The following GALNT13 variants were observed in gnomAD, a reference collection of about 807,000 sequenced individuals.
GALNT13 encodes UDP-GalNAc:polypeptide N-acetylgalactosaminyltransferase 13.
Under a neutral mutation model 64.2 loss-of-function variants are expected in GALNT13, and 28 were observed. That is an observed-to-expected ratio of 0.44 (90% CI 0.32 to 0.60). The LOEUF is 0.60. Ranked by LOEUF, GALNT13 falls within the 20% of genes least tolerant of loss-of-function variation. The pLI, the probability that GALNT13 is intolerant of heterozygous loss-of-function variation, is 0.05. For synonymous variants in GALNT13, 214 were observed against 224.6 expected (o/e 0.95, Z 0.42); for missense variants, 577 against 669.8 (o/e 0.86, Z 1.53).
chr2:153,129,642 A>AT, the GALNT13 span, among the ~76,000 whole-genome samples: 1 of 152,074 alleles, frequency 6.6e-6, no homozygotes, highest in Non-Finnish European at 1.5e-5. Flanking sequence ...GCATGATGGC[A>AT]TGCATCTGTA....
At chr2:154,050,600 G>T (rs1377183119) in intron 3 of GALNT13, among the ~76,000 whole-genome samples, 1 of 151,968 alleles carries the variant, frequency 6.6e-6, no homozygotes, top group Non-Finnish European at 1.5e-5. Flanking sequence ...CTGAAAAACA[G>T]CAGCCAACTC....
the GALNT13 span, among the ~76,000 whole-genome samples, chr2:153,472,660 T>A: frequency 1.3e-5 from 2 of 152,202 alleles, no homozygotes; most frequent in African/African-American, 4.8e-5. Context: ...CTTTTTAGTA[T>A]TGATCATTCT....
chr2:153,652,278 T>A, the GALNT13 span, among the ~76,000 whole-genome samples: 1 of 152,182 alleles, frequency 6.6e-6, no homozygotes, highest in African/African-American at 2.4e-5. Flanking sequence ...AAAAGTATTT[T>A]ACAATTAACT....
chr2:154,447,874 G>A (rs1046191696), intron 12 of GALNT13, among the ~76,000 whole-genome samples: 3 of 152,096 alleles, frequency 2.0e-5, no homozygotes, highest in East Asian at 1.9e-4. Context: ...ATCCTGATAC[G>A]TGCAGTGCCA....
the GALNT13 span, among the ~76,000 whole-genome samples, chr2:153,543,708 A>T: frequency 1.3e-5 from 2 of 151,910 alleles, no homozygotes; most frequent in East Asian, 3.9e-4. Context: ...AAATTGTCAA[A>T]ACAGTACAAG....
chr2:153,880,112 T>A (rs1360617717), intron 1 of GALNT13, among the ~76,000 whole-genome samples: 1 of 152,182 alleles, frequency 6.6e-6, no homozygotes, highest in Non-Finnish European at 1.5e-5. Context: ...TATTTTCCTG[T>A]AATGCTCCTC....
chr2:154,438,488 G>C (rs537594476), intron 11 of GALNT13, 104 bp from the exon 12 acceptor site: 1 of 773,526 alleles, frequency 1.3e-6, no homozygotes, highest in Non-Finnish European at 2.0e-6. Context: ...GCAATCGTTT[G>C]AAAACACAAG....
At chr2:153,854,342 G>A in the GALNT13 span, among the ~76,000 whole-genome samples, 1 of 151,976 alleles carries the variant, frequency 6.6e-6, no homozygotes, top group Non-Finnish European at 1.5e-5. Flanking sequence ...CACTTTGGGA[G>A]GCTGAGGTGG....
chr2:154,021,360 G>T (rs934382620), intron 3 of GALNT13, among the ~76,000 whole-genome samples: 2 of 152,032 alleles, frequency 1.3e-5, no homozygotes, highest in Admixed American at 6.6e-5. Context: ...ATTTCTTTGT[G>T]TCCTCTTGTA....
rs145110960 is a variant in GALNT13, at chr2:153,879,196, C to A, written c.-177+6893C>A. On this transcript the variant is annotated intron_variant, in intron 1 of 12. Coordinates refer to ENST00000392825, the MANE Select transcript of GALNT13 (RefSeq NM_052917.4). ...TCTAAGTGCTTTGCAGATATTGATT[C>A]ATTTAATCATAAAGACCTTCAAAAG... Among the ~76,000 whole-genome samples the A allele has an allele frequency of 7.4e-3, 1,130 of 152,222 alleles. 20 individuals carry two copies. Among genetic ancestry groups the A allele is most frequent in the African/African-American group, 0.026 (1,064 of 41,520 alleles).
chr2:154,285,671 T>C (rs946284257), intron 8 of GALNT13, among the ~76,000 whole-genome samples: 1 of 152,180 alleles, frequency 6.6e-6, no homozygotes, highest in Admixed American at 6.5e-5. Context: ...CTTTGCTCTT[T>C]TTGTTCAAAA....
At chr2:153,186,992 A>G in the GALNT13 span, among the ~76,000 whole-genome samples, 2 of 152,286 alleles carry the variant, frequency 1.3e-5, no homozygotes, top group South Asian at 2.1e-4. Flanking sequence ...TAATTTAGAT[A>G]AAGTGGAGAA....
At chr2:153,117,640 C>G in the GALNT13 span, among the ~76,000 whole-genome samples, 1 of 152,154 alleles carries the variant, frequency 6.6e-6, no homozygotes, top group Non-Finnish European at 1.5e-5. Context: ...AGTATAACTT[C>G]TAGGTGAGTT....
the GALNT13 span, among the ~76,000 whole-genome samples, chr2:153,684,126 A>T: frequency 6.6e-6 from 1 of 151,540 alleles, no homozygotes; most frequent in Non-Finnish European, 1.5e-5. Flanking sequence ...TATTTATTTA[A>T]AAGATCCTAC....
chr2:153,381,149 G>T, the GALNT13 span, among the ~76,000 whole-genome samples: 1 of 152,012 alleles, frequency 6.6e-6, no homozygotes, highest in African/African-American at 2.4e-5. Context: ...GTGTCACCAT[G>T]TTTCCCAGGC....
chr2:153,703,835 C>T, the GALNT13 span, among the ~76,000 whole-genome samples: 2,355 of 152,132 alleles, frequency 0.015, 63 homozygotes, highest in East Asian at 0.12. Context: ...GGAGAGAACA[C>T]GCATCACTTC....
the GALNT13 span, among the ~76,000 whole-genome samples, chr2:153,345,196 A>G: frequency 3.3e-5 from 5 of 152,174 alleles, no homozygotes; most frequent in Non-Finnish European, 5.9e-5. Flanking sequence ...AGCTTCATGT[A>G]TAAATTGAGA....
chr2:153,933,085 T>C (rs1690647025), intron 2 of GALNT13, among the ~76,000 whole-genome samples: 2 of 152,222 alleles, frequency 1.3e-5, no homozygotes, highest in South Asian at 4.1e-4. Context: ...ATGAAAATTA[T>C]ACATCTTCTG....
the GALNT13 span, among the ~76,000 whole-genome samples, chr2:153,143,763 T>C: frequency 1.7e-4 from 26 of 152,028 alleles, no homozygotes; most frequent in African/African-American, 5.5e-4. Flanking sequence ...CCCAAAAGAT[T>C]ACTTTAAAAA....
Sources: allele counts gnomAD v4.1 joint callset (sites outside exome capture counted in the v4.1 genomes callset), GRCh38; gene constraint gnomAD v4.1.1; transcripts MANE v1.5; gene names NCBI Gene and HGNC (gene_info 2026-07-23, HGNC 2026-07-21).